Variants in SND1 observed in about 807,000 individuals in gnomAD.
The protein encoded by SND1 is staphylococcal nuclease domain-containing protein 1.
In SND1, 38 loss-of-function variants were observed where a neutral mutation model predicts 121.7. That is an observed-to-expected ratio of 0.31 (90% CI 0.24 to 0.41). The LOEUF (loss-of-function observed/expected upper bound fraction) is 0.41. Ranked by LOEUF, SND1 falls within the 10% of genes least tolerant of loss-of-function variation. The pLI, the probability that SND1 is intolerant of heterozygous loss-of-function variation, is 1.00. For missense variants in SND1, 868 were observed against 1,184.6 expected (o/e 0.73, Z 3.92); for synonymous variants, 401 against 447.4 (o/e 0.90, Z 1.31).
chr7:127,799,443 G>A (rs1234492775), intron 10 of SND1, among the ~76,000 whole-genome samples: 1 of 152,124 alleles, frequency 6.6e-6, no homozygotes, highest in Admixed American at 6.5e-5. Context: ...TTAAGTTCTA[G>A]TGCTTTTCAC....
chr7:127,857,782 G>A (rs374770260), intron 12 of SND1: 111 of 682,900 alleles, frequency 1.6e-4, no homozygotes, highest in Non-Finnish European at 1.8e-4. Context: ...CACTGCCTGA[G>A]ACACTTGGAC....
intron 2 of SND1, among the ~76,000 whole-genome samples, chr7:127,689,094 CAT>C (rs1795869902): frequency 6.6e-6 from 1 of 152,168 alleles, no homozygotes; most frequent in Non-Finnish European, 1.5e-5. Flanking sequence ...AGGGACCACA[CAT>C]ATTGAGAATA....
At chr7:127,926,735 G>GTTGTT (rs1450428643) in intron 14 of SND1, among the ~76,000 whole-genome samples, 1 of 147,326 alleles carries the variant, frequency 6.8e-6, no homozygotes, top group Non-Finnish European at 1.5e-5. Flanking sequence ...TGTTGTTGTT[G>GTTGTT]TTGTTGTTGT....
At chr7:128,089,425 C>A in intron 21 of SND1, 64 bp from the exon 22 acceptor site, 1 of 1,479,698 alleles carries the variant, frequency 6.8e-7, no homozygotes, top group Non-Finnish European at 9.3e-7. Flanking sequence ...AGTCTATGGA[C>A]AGGAGCTGGG....
intron 3 of SND1, among the ~76,000 whole-genome samples, chr7:127,698,118 C>G (rs1447940267): frequency 1.3e-5 from 2 of 152,134 alleles, no homozygotes; most frequent in East Asian, 3.8e-4. Flanking sequence ...ATTTTTCTTG[C>G]TAGGTCTGAT....
At chr7:127,685,227 G>T (rs965930603) in intron 1 of SND1, among the ~76,000 whole-genome samples, 1 of 152,130 alleles carries the variant, frequency 6.6e-6, no homozygotes, top group Non-Finnish European at 1.5e-5. Context: ...GTTAGTTAAG[G>T]TAGAGAGGTG....
chr7:127,793,324 C>T (rs1469875775), intron 10 of SND1, among the ~76,000 whole-genome samples: 1 of 152,126 alleles, frequency 6.6e-6, no homozygotes, highest in Non-Finnish European at 1.5e-5. Flanking sequence ...CGTGTTATTT[C>T]TCTGGGCACC....
chr7:127,867,913 A>G (rs1240099647), intron 12 of SND1, among the ~76,000 whole-genome samples: 3 of 151,104 alleles, frequency 2.0e-5, no homozygotes, highest in Non-Finnish European at 3.0e-5. Flanking sequence ...AAAAAAAAAA[A>G]TTAAATGCAT....
intron 22 of SND1, among the ~76,000 whole-genome samples, chr7:128,090,511 C>T (rs977281267): frequency 6.6e-5 from 10 of 152,210 alleles, no homozygotes; most frequent in African/African-American, 2.2e-4. Context: ...GAAGCTCGGG[C>T]CCCCGACAGA....
intron 15 of SND1, among the ~76,000 whole-genome samples, chr7:127,937,421 C>A (rs1466122704): frequency 6.6e-6 from 1 of 152,026 alleles, no homozygotes; most frequent in African/African-American, 2.4e-5. Context: ...TTTCCCTCCC[C>A]CTTCCTCTCT....
intron 15 of SND1, among the ~76,000 whole-genome samples, chr7:127,962,632 T>C (rs778987072): frequency 2.6e-5 from 4 of 152,164 alleles, no homozygotes; most frequent in Admixed American, 6.5e-5. Flanking sequence ...TAGGTTATGG[T>C]GTGGGTCATA....
intron 14 of SND1, among the ~76,000 whole-genome samples, chr7:127,928,400 G>A (rs1221621231): frequency 6.6e-6 from 1 of 152,008 alleles, no homozygotes; most frequent in Non-Finnish European, 1.5e-5. Flanking sequence ...ACTTCTCAAG[G>A]TTAAGAAACT....
chr7:127,701,015 G>C, intron 4 of SND1, 148 bp from the exon 5 acceptor site: 1 of 782,160 alleles, frequency 1.3e-6, no homozygotes, highest in Non-Finnish European at 2.0e-6. Context: ...TGATTTTCTG[G>C]TTATAGGCTT....
At chr7:127,987,449 G>A (rs1719034557) in intron 15 of SND1, among the ~76,000 whole-genome samples, 3 of 152,172 alleles carry the variant, frequency 2.0e-5, no homozygotes, top group Admixed American at 6.5e-5. Flanking sequence ...GCCAGCATGT[G>A]GCTTCATCTG....
chr7:127,873,707 A>G (rs36043097), intron 12 of SND1, among the ~76,000 whole-genome samples: 9,912 of 152,154 alleles, frequency 0.065, 420 homozygotes, highest in Middle Eastern at 0.19. Flanking sequence ...ATTCTTAGGC[A>G]TGATTATAGC....
At chr7:127,953,347 C>T (rs1233433383) in intron 15 of SND1, among the ~76,000 whole-genome samples, 1 of 152,060 alleles carries the variant, frequency 6.6e-6, no homozygotes, top group Non-Finnish European at 1.5e-5. Context: ...CTTTTCCTCC[C>T]TCCTATTTTA....
At chr7:127,884,796 A>C (rs1799863053) in intron 12 of SND1, among the ~76,000 whole-genome samples, 1 of 152,132 alleles carries the variant, frequency 6.6e-6, no homozygotes, top group Admixed American at 6.6e-5. Flanking sequence ...ACATACCATG[A>C]GTTCACACAA....
intron 16 of SND1, among the ~76,000 whole-genome samples, chr7:128,046,225 C>G (rs1346878909): frequency 6.6e-6 from 1 of 151,968 alleles, no homozygotes; most frequent in Non-Finnish European, 1.5e-5. Flanking sequence ...AGCCTCCTGC[C>G]TAGCTGGGAC....
intron 14 of SND1, among the ~76,000 whole-genome samples, chr7:127,924,188 G>A (rs1466608227): frequency 6.6e-6 from 1 of 152,076 alleles, no homozygotes; most frequent in Non-Finnish European, 1.5e-5. Context: ...CCTCCAGGGA[G>A]GCCCATCAGG....
Sources: gnomAD v4.1 joint callset for allele counts (sites outside exome capture counted in the v4.1 genomes callset) on GRCh38, gnomAD v4.1.1 for gene constraint, MANE v1.5 for transcripts, NCBI Gene and HGNC (gene_info 2026-07-23, HGNC 2026-07-21) for gene names.